Variants in ST18 observed in about 807,000 individuals in gnomAD.
ST18 encodes suppression of tumorigenicity 18 protein.
A neutral mutation model predicts 110.0 loss-of-function variants in ST18; 50 were observed. The ratio of observed to expected loss-of-function variants is 0.45; its 90% CI spans 0.36 to 0.58. ST18 has a LOEUF of 0.58. Among genes scored for constraint, ST18 ranks in the 20% least tolerant of loss-of-function variants. The probability of loss-of-function intolerance (pLI) is 0.00; values close to 1 mark genes in which losing one functional copy is unlikely to be tolerated. For synonymous variants in ST18, 461 were observed against 452.4 expected (o/e 1.02, Z -0.24); for missense variants, 1,306 against 1,280.1 (o/e 1.02, Z -0.31).
At chr8:52,356,092 A>G (rs1564564859) in intron 2 of ST18, among the ~76,000 whole-genome samples, 1 of 152,176 alleles carries the variant, frequency 6.6e-6, no homozygotes, top group Admixed American at 6.5e-5. Context: ...ATCAAGAAGG[A>G]CGTGCACAAG....
chr8:52,302,300 G>A (rs2095737742), intron 2 of ST18, among the ~76,000 whole-genome samples: 1 of 152,152 alleles, frequency 6.6e-6, no homozygotes, highest in Non-Finnish European at 1.5e-5. Flanking sequence ...TTCAGGTGCT[G>A]GACTGGAATT....
intron 16 of ST18, among the ~76,000 whole-genome samples, chr8:52,147,331 T>G (rs560890597): frequency 7.2e-5 from 11 of 152,206 alleles, no homozygotes; most frequent in Non-Finnish European, 1.0e-4. Context: ...ATATTTCTTA[T>G]GAAATCTCAT....
At chr8:52,129,705 A>T (rs566936696) in intron 22 of ST18, among the ~76,000 whole-genome samples, 35 of 152,168 alleles carry the variant, frequency 2.3e-4, no homozygotes, top group Non-Finnish European at 4.9e-4. Flanking sequence ...CTGAAATCTG[A>T]ATTACCTTTG....
At chr8:52,325,077 A>G (rs144614706) in intron 2 of ST18, among the ~76,000 whole-genome samples, 1 of 152,342 alleles carries the variant, frequency 6.6e-6, no homozygotes, top group Admixed American at 6.5e-5. Flanking sequence ...ATCAAACATC[A>G]CCTTGTGAAA....
chr8:52,207,175 A>G (rs1369982442), intron 8 of ST18, among the ~76,000 whole-genome samples: 1 of 152,216 alleles, frequency 6.6e-6, no homozygotes, highest in Non-Finnish European at 1.5e-5. Flanking sequence ...TCACATACTC[A>G]TGAAATGTTA....
rs537589144 is a variant in ST18, at chr8:52,291,463, G to C, written c.-464-61386C>G. On this transcript the variant is annotated intron_variant, in intron 2 of 25. Transcript: ENST00000689386. The stretch of plus-strand genomic sequence containing the variant: ...TATCAAAAATGTTTGACATTGTTGG[G>C]AATTGTTAAGTTGAATATTAAACGA... Among the ~76,000 whole-genome samples, 10 of 152,292 alleles carry C rather than the reference G, an allele frequency of 6.6e-5. No homozygotes were observed. In the South Asian group the frequency reaches 1.2e-3, roughly 19 times the overall value.
chr8:52,308,945 T>C (rs573697805), intron 2 of ST18, among the ~76,000 whole-genome samples: 1 of 152,246 alleles, frequency 6.6e-6, no homozygotes, highest in African/African-American at 2.4e-5. Flanking sequence ...GATGGGCATA[T>C]TCTCTTTCTA....
intron 2 of ST18, among the ~76,000 whole-genome samples, chr8:52,384,636 C>T (rs975507923): frequency 1.3e-5 from 2 of 152,210 alleles, no homozygotes; most frequent in South Asian, 2.1e-4. Context: ...GCCACACCTC[C>T]CCCGCCCTCC....
rs554112334 is a variant in ST18, at chr8:52,215,678, C to A, written c.1-1421G>T. On this transcript the variant is annotated intron_variant, in intron 6 of 25. Coordinates refer to ENST00000689386, the MANE Select transcript of ST18 (RefSeq NM_001352837.2). ...TTGTTATGAATACTTTAAAACTACA[C>A]AATAAGAGAAAACAACAATAAAACC... is the stretch of plus-strand genomic sequence containing the variant. Among the ~76,000 whole-genome samples, 9 of 152,306 alleles carry A rather than the reference C, an allele frequency of 5.9e-5. No homozygotes were observed. The South Asian group carries it at 1.9e-3, about 32-fold the overall frequency.
chr8:52,316,274 C>A (rs775601626), intron 2 of ST18, among the ~76,000 whole-genome samples: 1 of 152,086 alleles, frequency 6.6e-6, no homozygotes, highest in Non-Finnish European at 1.5e-5. Flanking sequence ...GCAAATATGA[C>A]GAAGTAGAAT....
chr8:52,351,668 G>A (rs1820390611), intron 2 of ST18, among the ~76,000 whole-genome samples: 1 of 152,202 alleles, frequency 6.6e-6, no homozygotes, highest in African/African-American at 2.4e-5. Context: ...GTGGGAGAGA[G>A]AAAAATACTT....
At chr8:52,244,012 T>C (rs370964767) in intron 2 of ST18, among the ~76,000 whole-genome samples, 10 of 152,262 alleles carry the variant, frequency 6.6e-5, no homozygotes, top group African/African-American at 2.4e-4. Context: ...TAATGGCCTG[T>C]GTGCTAACGC....
At chr8:52,209,224 T>C (rs1477446925) in intron 8 of ST18, among the ~76,000 whole-genome samples, 1 of 152,242 alleles carries the variant, frequency 6.6e-6, no homozygotes, top group Non-Finnish European at 1.5e-5. Context: ...TTTTGGTTTC[T>C]ACTCTAAACA....
chr8:52,368,193 C>T (rs137926867), intron 2 of ST18, among the ~76,000 whole-genome samples: 2 of 152,164 alleles, frequency 1.3e-5, no homozygotes, highest in Non-Finnish European at 2.9e-5. Context: ...TTTCATTAAG[C>T]ATCCCTAACA....
At chr8:52,308,735 C>A (rs773988976) in intron 2 of ST18, among the ~76,000 whole-genome samples, 1 of 152,206 alleles carries the variant, frequency 6.6e-6, no homozygotes, top group Admixed American at 6.5e-5. Flanking sequence ...CTCCAAGGAC[C>A]AATGGGCAAC....
intron 2 of ST18, among the ~76,000 whole-genome samples, chr8:52,391,269 TAGCA>T (rs1839244828): frequency 1.3e-5 from 2 of 152,188 alleles, no homozygotes; most frequent in Non-Finnish European, 2.9e-5. Context: ...TGCTACCTAG[TAGCA>T]AGCAAAGCAC....
chr8:52,371,390 G>A (rs1830220523), intron 2 of ST18, among the ~76,000 whole-genome samples: 1 of 152,022 alleles, frequency 6.6e-6, no homozygotes. Flanking sequence ...GATTACTATT[G>A]AACATCAATT....
intron 2 of ST18, among the ~76,000 whole-genome samples, chr8:52,359,111 T>C (rs920843417): frequency 7.0e-6 from 1 of 142,054 alleles, no homozygotes; most frequent in Non-Finnish European, 1.5e-5. Context: ...ATGGCATTAA[T>C]AGAATGGAGA....
intron 2 of ST18, among the ~76,000 whole-genome samples, chr8:52,281,650 ACAAAC>A (rs2095379387): frequency 6.6e-6 from 1 of 152,216 alleles, no homozygotes; most frequent in Admixed American, 6.5e-5. Context: ...CCCCTGAAAA[ACAAAC>A]AAAACAAAGC....
Sources: allele counts gnomAD v4.1 joint callset (sites outside exome capture counted in the v4.1 genomes callset), GRCh38; gene constraint gnomAD v4.1.1; transcripts MANE v1.5; gene names NCBI Gene and HGNC (gene_info 2026-07-23, HGNC 2026-07-21).